RALGAPA1: variants seen among roughly 807,000 people sequenced by gnomAD.
RALGAPA1 encodes ral GTPase-activating protein subunit alpha-1.
Under a neutral mutation model 269.6 loss-of-function variants are expected in RALGAPA1, and 52 were observed. That is an observed-to-expected ratio of 0.19 (90% confidence interval 0.15 to 0.24). The LOEUF (loss-of-function observed/expected upper bound fraction) is 0.24, where lower values mean the gene tolerates loss of function less well. Ranked by LOEUF, RALGAPA1 falls within the 10% of genes least tolerant of loss-of-function variation. The pLI is 1.00. For synonymous variants in RALGAPA1, 817 were observed against 1,008.3 expected (o/e 0.81, Z 3.60); for missense variants, 1,917 against 3,013.9 (o/e 0.64, Z 8.52).
chr14:35,731,321 A>G (rs1183542521), intron 12 of RALGAPA1, among the ~76,000 whole-genome samples: 6 of 152,188 alleles, frequency 3.9e-5, no homozygotes. Flanking sequence ...ATGACAAAAC[A>G]AGGCTCTTTA....
chr14:35,799,304 G>A (rs938566408), intron 1 of RALGAPA1, among the ~76,000 whole-genome samples: 1 of 152,170 alleles, frequency 6.6e-6, no homozygotes, highest in African/African-American at 2.4e-5. Flanking sequence ...GCTCACCCAT[G>A]TAATCCCAAC....
intron 12 of RALGAPA1, among the ~76,000 whole-genome samples, chr14:35,730,399 G>C (rs1306075163): frequency 1.3e-5 from 2 of 152,212 alleles, no homozygotes; most frequent in African/African-American, 4.8e-5. Context: ...GAACTCAAAG[G>C]AGGGTGTGAA....
chr14:35,684,863 G>T, intron 20 of RALGAPA1, 66 bp downstream of exon 20: 1 of 1,487,746 alleles, frequency 6.7e-7, no homozygotes, highest in Non-Finnish European at 9.1e-7. Context: ...TACATAATCC[G>T]TAAGTCAGTC....
intron 37 of RALGAPA1, among the ~76,000 whole-genome samples, chr14:35,579,223 TGTCA>T (rs2057783563): frequency 1.3e-5 from 2 of 152,122 alleles, no homozygotes; most frequent in South Asian, 4.1e-4. Context: ...AAGGTCAGAA[TGTCA>T]GTCAGTGAGG....
intron 3 of RALGAPA1, among the ~76,000 whole-genome samples, chr14:35,774,525 C>G (rs533687446): frequency 1.5e-4 from 23 of 151,546 alleles, no homozygotes; most frequent in Non-Finnish European, 3.1e-4. Flanking sequence ...TTTATAAAGA[C>G]TTGCCCCATT....
At chr14:35,739,700 C>A (rs2071372958) in intron 11 of RALGAPA1, among the ~76,000 whole-genome samples, 1 of 152,008 alleles carries the variant, frequency 6.6e-6, no homozygotes, top group African/African-American at 2.4e-5. Flanking sequence ...TATATCTGTC[C>A]TCTCCCTTAT....
chr14:35,758,243 C>CAAAAAAAA (rs66473514), intron 6 of RALGAPA1, among the ~76,000 whole-genome samples: 5 of 49,718 alleles, frequency 1.0e-4, no homozygotes, highest in African/African-American at 2.9e-4. Context: ...GACTCTGTCT[C>CAAAAAAAA]AAAAAAAAAA....
Position 35,655,944 on chromosome 14 carries a change from C to T in RALGAPA1, c.5388-29G>A, listed in dbSNP as rs1207946830. 6.2e-6 allele frequency: 10 copies of T among 1,611,916 alleles called. No individual in the cohort carries two copies. The South Asian group carries it at 6.6e-5, about 11-fold the overall frequency. On this transcript the variant is annotated intron_variant, in intron 28 of 41. Coordinates refer to ENST00000680220, the MANE Select transcript of RALGAPA1 (RefSeq NM_001346249.2). ...CAAAAAAGGCAAACAACAACGGTTA[C>T]ATAAAATGAAACCACCACCACAAAC...
At chr14:35,632,357 C>T (rs886174968) in intron 33 of RALGAPA1, among the ~76,000 whole-genome samples, 5 of 152,072 alleles carry the variant, frequency 3.3e-5, no homozygotes, top group Non-Finnish European at 5.9e-5. Flanking sequence ...AACTAGCATT[C>T]ATTTAAATAA....
At chr14:35,792,882 GAAA>G (rs11339118) in intron 1 of RALGAPA1, among the ~76,000 whole-genome samples, 4 of 117,492 alleles carry the variant, frequency 3.4e-5, no homozygotes, top group Non-Finnish European at 3.6e-5. Context: ...TTCAAGAGGG[GAAA>G]AAAAAAAAAA....
rs781212724 is a variant in RALGAPA1, at chr14:35,750,709, A to C, written c.803-19T>G. The C allele has an allele frequency of 6.5e-7, 1 of 1,536,684 alleles. No individual in the cohort carries two copies. The highest frequency in any genetic ancestry group is 2.1e-5 in the Admixed American group (1 of 47,576). ...GGGATGTCTGTGCAAAATAAAAGGA[A>C]GATGAAAACCAAAATAAGAAAGAAA... On this transcript the variant is annotated intron_variant, in intron 8 of 41. Transcript: ENST00000680220.
chr14:35,680,234 G>A (rs141497529), intron 21 of RALGAPA1, among the ~76,000 whole-genome samples: 1 of 152,234 alleles, frequency 6.6e-6, no homozygotes, highest in African/African-American at 2.4e-5. Flanking sequence ...CTGAGATGGA[G>A]TCTCGCTCTG....
At chr14:35,544,836 C>T (rs1452399172) in intron 41 of RALGAPA1, among the ~76,000 whole-genome samples, 1 of 152,146 alleles carries the variant, frequency 6.6e-6, no homozygotes, top group East Asian at 1.9e-4. Context: ...TACCTGAGGT[C>T]AGGAGTTTGA....
chr14:35,730,232 T>C (rs975307131), intron 12 of RALGAPA1, among the ~76,000 whole-genome samples: 2 of 152,110 alleles, frequency 1.3e-5, no homozygotes, highest in African/African-American at 4.8e-5. Flanking sequence ...GGAAATGCCC[T>C]GGGAGCTTGC....
intron 37 of RALGAPA1, among the ~76,000 whole-genome samples, chr14:35,584,142 C>CAT (rs143970929): frequency 8.6e-5 from 13 of 151,202 alleles, no homozygotes; most frequent in South Asian, 8.4e-4. Flanking sequence ...TGCTCATATT[C>CAT]ATATATATAT....
intron 1 of RALGAPA1, among the ~76,000 whole-genome samples, chr14:35,807,381 A>G (rs2077450046): frequency 6.6e-6 from 1 of 152,232 alleles, no homozygotes; most frequent in African/African-American, 2.4e-5. Flanking sequence ...TTTCTTGAAA[A>G]CTGAGCTTTT....
chr14:35,728,811 C>A (rs1567104058), intron 12 of RALGAPA1, among the ~76,000 whole-genome samples: 1 of 151,710 alleles, frequency 6.6e-6, no homozygotes, highest in African/African-American at 2.4e-5. Flanking sequence ...CGGCTCACTG[C>A]AACCTCTGCC....
intron 32 of RALGAPA1, among the ~76,000 whole-genome samples, 161 bp from the exon 33 acceptor site, chr14:35,634,918 G>A (rs1371850727): frequency 6.6e-6 from 1 of 152,082 alleles, no homozygotes; most frequent in Non-Finnish European, 1.5e-5. Flanking sequence ...TGTAATCCCA[G>A]CAGGGATTAC....
intron 7 of RALGAPA1, among the ~76,000 whole-genome samples, chr14:35,756,101 T>A (rs2073142379): frequency 6.6e-6 from 1 of 152,166 alleles, no homozygotes; most frequent in African/African-American, 2.4e-5. Context: ...ATCAAACAAT[T>A]TTCAGCTTTT....
Sources: gnomAD v4.1 joint callset for allele counts (sites outside exome capture counted in the v4.1 genomes callset) on GRCh38, gnomAD v4.1.1 for gene constraint, MANE v1.5 for transcripts, NCBI Gene and HGNC (gene_info 2026-07-23, HGNC 2026-07-21) for gene names.